The following SPOCK1 variants were observed in gnomAD, a reference collection of about 807,000 sequenced individuals.
The protein encoded by SPOCK1 is SPARC (osteonectin), cwcv and kazal like domains proteoglycan 1.
A neutral mutation model predicts 55.3 loss-of-function variants in SPOCK1; 23 were observed. The ratio of observed to expected loss-of-function variants is 0.42; its 90% CI spans 0.30 to 0.59. The LOEUF (loss-of-function observed/expected upper bound fraction) is 0.59. Ranked by LOEUF, SPOCK1 falls within the 20% of genes least tolerant of loss-of-function variation. The probability of loss-of-function intolerance (pLI) is 0.22; values close to 1 mark genes in which losing one functional copy is unlikely to be tolerated. For synonymous variants in SPOCK1, 226 were observed against 221.0 expected, an observed-to-expected ratio of 1.02 and a Z score of -0.20; for missense variants, 499 against 552.5, an observed-to-expected ratio of 0.90 and a Z score of 0.97.
intron 3 of SPOCK1, among the ~76,000 whole-genome samples, chr5:137,225,909 A>G (rs1009059339): frequency 3.3e-5 from 5 of 152,208 alleles, no homozygotes; most frequent in Non-Finnish European, 7.3e-5. Context: ...CTAGCCCTCA[A>G]GGACACTAGG....
chr5:137,417,377 G>A (rs1375600737), intron 2 of SPOCK1, among the ~76,000 whole-genome samples: 1 of 133,074 alleles, frequency 7.5e-6, no homozygotes, highest in Non-Finnish European at 1.6e-5. Flanking sequence ...CAATTTTACT[G>A]AGGAAAAATT....
intron 2 of SPOCK1, among the ~76,000 whole-genome samples, chr5:137,444,103 G>C (rs1304990203): frequency 6.6e-6 from 1 of 152,118 alleles, no homozygotes; most frequent in Admixed American, 6.5e-5. Flanking sequence ...TTGTGACCTA[G>C]CTTCCACCTG....
chr5:137,384,826 T>G (rs187821297), intron 2 of SPOCK1, among the ~76,000 whole-genome samples: 1 of 152,142 alleles, frequency 6.6e-6, no homozygotes, highest in African/African-American at 2.4e-5. Context: ...TTGGATTTAG[T>G]GTCCACCCTA....
chr5:137,142,272 C>G (rs188722499), intron 3 of SPOCK1, among the ~76,000 whole-genome samples: 79 of 152,356 alleles, frequency 5.2e-4, no homozygotes, highest in Non-Finnish European at 1.0e-3. Flanking sequence ...GGACTCTTAG[C>G]CATCCTGACT....
chr5:137,185,275 A>T (rs1755046061), intron 3 of SPOCK1, among the ~76,000 whole-genome samples: 1 of 152,142 alleles, frequency 6.6e-6, no homozygotes. Flanking sequence ...CTATGAAGGG[A>T]TTACACAGGT....
chr5:137,424,746 G>T (rs899394628), intron 2 of SPOCK1, among the ~76,000 whole-genome samples: 5 of 152,180 alleles, frequency 3.3e-5, no homozygotes, highest in Non-Finnish European at 5.9e-5. Flanking sequence ...AGACACTAAA[G>T]ATTAAATACT....
At chr5:137,473,680 C>T (rs540595258) in intron 2 of SPOCK1, among the ~76,000 whole-genome samples, 2 of 152,322 alleles carry the variant, frequency 1.3e-5, no homozygotes, top group Non-Finnish European at 2.9e-5. Context: ...AACAAAATCA[C>T]TTTAAAAATA....
chr5:137,478,429 A>C (rs1378306961), intron 2 of SPOCK1, among the ~76,000 whole-genome samples: 5 of 152,204 alleles, frequency 3.3e-5, no homozygotes, highest in Non-Finnish European at 7.3e-5. Flanking sequence ...TACTGGATTT[A>C]AAGTAAAAAT....
At position 137,252,471 on chromosome 5, in the gene SPOCK1, A is replaced by G. The variant is rs116928679; in HGVS notation, c.232+14539T>C. 7.0e-4 allele frequency among the ~76,000 whole-genome samples: 107 copies of G among 152,278 alleles called. No individual in the cohort carries two copies. In the East Asian group the frequency reaches 0.013, roughly 19 times the overall value. Reference sequence around the variant, plus strand: ...AAAAGTTCCTAGAATATTGTATGCAAAAGTTCCTACAGCATGAGTTACTTA... The same window carrying G: ...AAAAGTTCCTAGAATATTGTATGCAGAAGTTCCTACAGCATGAGTTACTTA... On this transcript the variant is annotated intron_variant, in intron 3 of 10. Transcript: ENST00000394945.
chr5:137,078,280 G>T (rs947287835), intron 5 of SPOCK1, among the ~76,000 whole-genome samples: 1 of 152,164 alleles, frequency 6.6e-6, no homozygotes, highest in Non-Finnish European at 1.5e-5. Flanking sequence ...AAATTAAAAT[G>T]TCTCTGCAGC....
In SPOCK1 at chr5:137,391,009, T is replaced by C. The variant is rs544427247; in HGVS notation, c.186+107364A>G. On this transcript the variant is annotated intron_variant, in intron 2 of 10. Coordinates refer to ENST00000394945, the MANE Select transcript of SPOCK1 (RefSeq NM_004598.4). ...CACCCATCAACCCGTCATGTAGGTT[T>C]TAAGCCCTGCATGCATTAGGTATTT... 8.5e-5 allele frequency among the ~76,000 whole-genome samples: 13 copies of C among 152,278 alleles called. No homozygotes were observed. The East Asian group carries it at 9.6e-4, about 11-fold the overall frequency.
chr5:137,219,451 C>A (rs573119494), intron 3 of SPOCK1, among the ~76,000 whole-genome samples: 1 of 152,292 alleles, frequency 6.6e-6, no homozygotes, highest in South Asian at 2.1e-4. Flanking sequence ...ATTGGCATTG[C>A]TGCAAATATG....
At chr5:137,154,893 C>A in intron 3 of SPOCK1, among the ~76,000 whole-genome samples, 1 of 152,140 alleles carries the variant, frequency 6.6e-6, no homozygotes, top group Non-Finnish European at 1.5e-5. Context: ...TAGGAAGGGC[C>A]GAAGGAGAAT....
intron 2 of SPOCK1, among the ~76,000 whole-genome samples, chr5:137,408,678 A>G (rs543483434): frequency 4.4e-4 from 67 of 152,306 alleles, no homozygotes; most frequent in Non-Finnish European, 7.2e-4. Context: ...TTTTAACTGC[A>G]TAACTCTTAA....
chr5:137,005,031 G>A (rs1185333816), intron 6 of SPOCK1, among the ~76,000 whole-genome samples: 1 of 152,222 alleles, frequency 6.6e-6, no homozygotes, highest in South Asian at 2.1e-4. Flanking sequence ...TCTTCTTGTA[G>A]GCAAGAGGCT....
intron 3 of SPOCK1, among the ~76,000 whole-genome samples, chr5:137,252,552 C>A (rs1439515286): frequency 6.6e-6 from 1 of 152,232 alleles, no homozygotes; most frequent in Non-Finnish European, 1.5e-5. Context: ...TCAGCCTGAA[C>A]ATCCCTGCAG....
intron 3 of SPOCK1, among the ~76,000 whole-genome samples, chr5:137,248,250 A>C (rs1756436091): frequency 6.6e-6 from 1 of 152,212 alleles, no homozygotes; most frequent in African/African-American, 2.4e-5. Flanking sequence ...CTTAATCTTT[A>C]CACCCTACTA....
At chr5:137,337,225 G>A (rs992029902) in intron 2 of SPOCK1, among the ~76,000 whole-genome samples, 38 of 152,172 alleles carry the variant, frequency 2.5e-4, no homozygotes, top group African/African-American at 8.4e-4. Context: ...AGCAGGTAAC[G>A]ACCCCATTTG....
chr5:137,295,678 A>C (rs539034720), intron 2 of SPOCK1, among the ~76,000 whole-genome samples: 9 of 151,734 alleles, frequency 5.9e-5, no homozygotes, highest in Admixed American at 3.9e-4. Context: ...TTAAGGGTAC[A>C]CTCACTTCAC....
Sources: allele counts gnomAD v4.1 joint callset (sites outside exome capture counted in the v4.1 genomes callset), GRCh38; gene constraint gnomAD v4.1.1; transcripts MANE v1.5; gene names NCBI Gene and HGNC (gene_info 2026-07-23, HGNC 2026-07-21).